Variants in SEC31A observed in about 807,000 individuals in gnomAD.
The protein encoded by SEC31A is protein transport protein Sec31A.
Under a neutral mutation model 151.0 loss-of-function variants are expected in SEC31A, and 70 were observed. The ratio of observed to expected loss-of-function variants is 0.46; its 90% confidence interval spans 0.38 to 0.57. The LOEUF is 0.57. SEC31A is among the 20% of genes least tolerant of loss of function. The pLI, the probability that SEC31A is intolerant of heterozygous loss-of-function variation, is 0.00. For synonymous variants in SEC31A, 475 were observed against 505.9 expected (o/e 0.94, Z 0.82); for missense variants, 1,330 against 1,471.2 (o/e 0.90, Z 1.57).
At position 82,870,220 on chromosome 4, in the gene SEC31A, C is replaced by T. The variant is rs10015419; in HGVS notation, c.882+105G>A. The T allele has an allele frequency of 0.77, 604,012 of 788,416 alleles. 233,118 individuals are homozygous for T. Among genetic ancestry groups the T allele is most frequent in the Admixed American group, 0.81 (36,918 of 45,448 alleles). 48.8% of individuals were successfully genotyped at this position (788,416 alleles called of 1,614,324 possible). ...CACTGCACACACACGTCCACATACT[C>T]TTCACATAGTAATCCACTAAAGAAT... On this transcript the variant is annotated intron_variant, in intron 8 of 26. Coordinates refer to ENST00000395310, the MANE Select transcript of SEC31A (RefSeq NM_001077207.4).
upstream of SEC31A, chr4:82,895,577 G>C (rs1324697543): frequency 6.6e-6 from 1 of 152,180 alleles, no homozygotes; most frequent in Admixed American, 6.5e-5. Context: ...GTAAGGAAAA[G>C]AAATTTTTAA....
At chr4:82,864,125 A>AT (rs1472634321) in intron 11 of SEC31A, among the ~76,000 whole-genome samples, 12 of 151,952 alleles carry the variant, frequency 7.9e-5, no homozygotes, top group South Asian at 6.2e-4. Context: ...CAGACCTATT[A>AT]TTATTTTTTT....
chr4:82,899,359 T>C (rs534148812), intron 3 of SEC31A, among the ~76,000 whole-genome samples: 1 of 152,366 alleles, frequency 6.6e-6, no homozygotes, highest in East Asian at 1.9e-4. Context: ...ATGAGAATTA[T>C]ATCTGAGTAA....
chr4:82,870,593 G>A (rs1261405002), intron 7 of SEC31A, among the ~76,000 whole-genome samples, 169 bp from the exon 8 acceptor site: 2 of 152,176 alleles, frequency 1.3e-5, no homozygotes, highest in Non-Finnish European at 2.9e-5. Context: ...AACTACTCAG[G>A]AGGCTGAGGT....
chr4:82,897,064 CTTG>C (rs1452127393), intron 3 of SEC31A, among the ~76,000 whole-genome samples: 3 of 152,184 alleles, frequency 2.0e-5, no homozygotes, highest in Admixed American at 2.0e-4. Context: ...TTTGAGTCTT[CTTG>C]TTTTCCTTTC....
chr4:82,824,217 ATTTAT>A (rs1247811054), intron 25 of SEC31A, among the ~76,000 whole-genome samples: 1 of 152,078 alleles, frequency 6.6e-6, no homozygotes, highest in Non-Finnish European at 1.5e-5. Flanking sequence ...ATTATATTTT[ATTTAT>A]TTTGAGACGG....
chr4:82,878,797 T>A lies in SEC31A; in HGVS notation c.335A>T (p.Glu112Val). 6.2e-7 allele frequency: 1 copy of A among 1,614,096 alleles called. No individual in the cohort carries two copies. Among genetic ancestry groups the A allele is most frequent in the Non-Finnish European group, 8.5e-7 (1 of 1,179,974 alleles). Reference protein sequence around the residue: ...DPSKIIAGDKEVVIAQNDKHT... With the variant: ...DPSKIIAGDKVVVIAQNDKHT... ...CTTGTCATTCTGGGCAATCACAACT[T>A]CCTTGTCTCCAGCTATAATTTTAGA... Residue 112 changes from glutamate (E) to valine (V), a missense_variant, in exon 4 of 27, where the codon GAA becomes GTA. Physicochemically the swap from Glu to Val is moderately radical, Grantham distance 121. Transcript: ENST00000395310.
intron 22 of SEC31A, among the ~76,000 whole-genome samples, chr4:82,831,982 C>T (rs1004560088): frequency 6.6e-6 from 1 of 152,106 alleles, no homozygotes; most frequent in Admixed American, 6.6e-5. Flanking sequence ...GGCCTTACTG[C>T]CCAAAGTAAT....
At chr4:82,887,027 C>T (rs1356394157) in intron 1 of SEC31A, among the ~76,000 whole-genome samples, 3 of 152,066 alleles carry the variant, frequency 2.0e-5, no homozygotes, top group Non-Finnish European at 2.9e-5. Context: ...GACTAATGAG[C>T]TAGAGTGACC....
chr4:82,833,465 G>A (rs1459297386), intron 22 of SEC31A, among the ~76,000 whole-genome samples: 1 of 151,502 alleles, frequency 6.6e-6, no homozygotes, highest in Non-Finnish European at 1.5e-5. Context: ...GTTGATGGGT[G>A]CAGCAAACCA....
At chr4:82,872,856 C>T (rs1316226028) in intron 6 of SEC31A, among the ~76,000 whole-genome samples, 1 of 152,050 alleles carries the variant, frequency 6.6e-6, no homozygotes, top group Non-Finnish European at 1.5e-5. Flanking sequence ...AGGCACACAC[C>T]ACCATGCCTG....
intron 22 of SEC31A, among the ~76,000 whole-genome samples, chr4:82,832,501 A>C (rs1054796684): frequency 6.6e-6 from 1 of 152,244 alleles, no homozygotes; most frequent in Non-Finnish European, 1.5e-5. Context: ...AGACATAGGC[A>C]AAGACTTCAT....
chr4:82,890,284 G>A (rs1365895494), intron 1 of SEC31A, among the ~76,000 whole-genome samples: 1 of 150,870 alleles, frequency 6.6e-6, no homozygotes, highest in African/African-American at 2.4e-5. Context: ...GCAGGACGCT[G>A]TAACAAGAAC....
intron 6 of SEC31A, among the ~76,000 whole-genome samples, chr4:82,872,790 C>T (rs1426231933): frequency 6.6e-6 from 1 of 152,100 alleles, no homozygotes; most frequent in African/African-American, 2.4e-5. Context: ...ACTGCCACCT[C>T]CGCCTCCCAG....
At chr4:82,847,818 A>C (rs1730573530) in intron 20 of SEC31A, among the ~76,000 whole-genome samples, 1 of 152,182 alleles carries the variant, frequency 6.6e-6, no homozygotes. Flanking sequence ...CAGGGTCTTA[A>C]AAAAATATTT....
At chr4:82,883,572 G>GT (rs1357335853) in intron 1 of SEC31A, among the ~76,000 whole-genome samples, 1 of 152,182 alleles carries the variant, frequency 6.6e-6, no homozygotes, top group African/African-American at 2.4e-5. Flanking sequence ...GCTCAGGCCT[G>GT]TAAGCCCAGC....
chr4:82,827,918 CTT>C (rs879912426), intron 23 of SEC31A, among the ~76,000 whole-genome samples: 16 of 140,022 alleles, frequency 1.1e-4, no homozygotes, highest in Admixed American at 2.1e-4. Context: ...AAAACCATGG[CTT>C]TTTTTTTTTT....
Position 82,846,366 on chromosome 4 carries a change from C to CATCATAATAATA in SEC31A, c.2503-1858_2503-1857insTATTATTATGAT, listed in dbSNP as rs1553928443. ...GTAAATCTTTGCAGAAACTCCAAAA[C>CATCATAATAATA]ATAATAATAATAATAATAATAATAA... is the stretch of plus-strand genomic sequence containing the variant. On this transcript the variant is annotated intron_variant, in intron 20 of 26. Coordinates refer to ENST00000395310, the MANE Select transcript of SEC31A (RefSeq NM_001077207.4). Among the ~76,000 whole-genome samples the CATCATAATAATA allele has an allele frequency of 5.3e-3, 741 of 140,524 alleles. 9 individuals are homozygous for CATCATAATAATA. The highest frequency in any genetic ancestry group is 0.019 in the African/African-American group (713 of 38,374). The allele number at this position is 140,524 out of a possible 152,430, so 92.2% of individuals were successfully genotyped here.
intron 13 of SEC31A, 66 bp downstream of exon 13, chr4:82,862,468 T>C (rs1433559442): frequency 8.5e-7 from 1 of 1,172,300 alleles, no homozygotes. Flanking sequence ...TCTTAAATGA[T>C]ATTTCCTTCT....
Sources: allele counts gnomAD v4.1 joint callset (sites outside exome capture counted in the v4.1 genomes callset), GRCh38; gene constraint gnomAD v4.1.1; transcripts MANE v1.5; gene names NCBI Gene and HGNC (gene_info 2026-07-23, HGNC 2026-07-21).